BMAL1: variants seen among roughly 807,000 people sequenced by gnomAD.
BMAL1 encodes basic helix-loop-helix ARNT like 1.
At chr11:13,334,956 T>G in the BMAL1 span, among the ~76,000 whole-genome samples, 1 of 152,200 alleles carries the variant, frequency 6.6e-6, no homozygotes, top group Non-Finnish European at 1.5e-5. Flanking sequence ...TTTCTCTTTG[T>G]GAGTTGCTTT....
At chr11:13,375,495 C>T in the BMAL1 span, 1 of 840,586 alleles carries the variant, frequency 1.2e-6, no homozygotes, top group Non-Finnish European at 1.7e-6. Context: ...GTTTCCTTGG[C>T]TTACTAAAGA....
the BMAL1 span, chr11:13,372,493 A>G: frequency 6.4e-7 from 1 of 1,552,040 alleles, no homozygotes; most frequent in Non-Finnish European, 8.7e-7. Context: ...CTGGGCCATC[A>G]GCTGGCTTTT....
chr11:13,368,124 A>C, the BMAL1 span, among the ~76,000 whole-genome samples: 1 of 152,216 alleles, frequency 6.6e-6, no homozygotes. Context: ...CTTAGGAGAA[A>C]AATATGAATG....
the BMAL1 span, among the ~76,000 whole-genome samples, chr11:13,279,975 G>T: frequency 0.02 from 3,093 of 152,302 alleles, 88 homozygotes; most frequent in African/African-American, 0.07. Context: ...TCTCATGGCC[G>T]TTCCAGTCGG....
the BMAL1 span, among the ~76,000 whole-genome samples, chr11:13,296,683 G>A: frequency 6.6e-6 from 1 of 152,222 alleles, no homozygotes; most frequent in East Asian, 1.9e-4. Context: ...TTTGGGAAAT[G>A]TATACTTTTT....
the BMAL1 span, chr11:13,385,898 T>TTTGA: frequency 1.2e-6 from 1 of 852,048 alleles, no homozygotes; most frequent in Non-Finnish European, 1.8e-6. Context: ...CCTAGATAAA[T>TTTGA]TTGATAGGAA....
the BMAL1 span, among the ~76,000 whole-genome samples, chr11:13,315,900 C>G: frequency 6.6e-6 from 1 of 152,134 alleles, no homozygotes; most frequent in Non-Finnish European, 1.5e-5. Context: ...CAGGCCTCCC[C>G]CTTTCTGGAG....
the BMAL1 span, among the ~76,000 whole-genome samples, chr11:13,310,762 C>T: frequency 7.9e-5 from 12 of 152,194 alleles, no homozygotes; most frequent in Admixed American, 3.9e-4. Context: ...CCTAAATGCC[C>T]GGCTAAGGCA....
At chr11:13,307,748 C>T in the BMAL1 span, among the ~76,000 whole-genome samples, 1 of 152,244 alleles carries the variant, frequency 6.6e-6, no homozygotes, top group South Asian at 2.1e-4. Context: ...TTTGAGAAAT[C>T]AGAAGATAGG....
At chr11:13,308,453 G>C in the BMAL1 span, among the ~76,000 whole-genome samples, 1 of 152,144 alleles carries the variant, frequency 6.6e-6, no homozygotes, top group South Asian at 2.1e-4. Context: ...GATCACCAAG[G>C]GAGTGACAGA....
the BMAL1 span, among the ~76,000 whole-genome samples, chr11:13,324,804 A>C: frequency 6.6e-6 from 1 of 152,246 alleles, no homozygotes; most frequent in Non-Finnish European, 1.5e-5. Context: ...GCATGCCTGC[A>C]TGCAAGCGAA....
the BMAL1 span, among the ~76,000 whole-genome samples, chr11:13,285,173 G>A: frequency 3.3e-5 from 5 of 152,090 alleles, no homozygotes; most frequent in Admixed American, 6.5e-5. Flanking sequence ...CAGAAGCAGG[G>A]GTATGTCATA....
chr11:13,384,903 T>C, the BMAL1 span, among the ~76,000 whole-genome samples: 1 of 152,194 alleles, frequency 6.6e-6, no homozygotes, highest in Non-Finnish European at 1.5e-5. Flanking sequence ...TAAGCAAAAG[T>C]TCTTTGGAGT....
the BMAL1 span, chr11:13,369,761 A>G: frequency 2.5e-6 from 4 of 1,608,452 alleles, no homozygotes. Context: ...CTGCTCAAAG[A>G]AAAAAGGTAA....
chr11:13,360,157 A>G, the BMAL1 span, among the ~76,000 whole-genome samples: 1 of 152,162 alleles, frequency 6.6e-6, no homozygotes, highest in Non-Finnish European at 1.5e-5. Context: ...CTTCCATGGA[A>G]TTCTCTTTGG....
chr11:13,347,926 C>T, the BMAL1 span, among the ~76,000 whole-genome samples: 2 of 152,152 alleles, frequency 1.3e-5, no homozygotes, highest in Non-Finnish European at 2.9e-5. Context: ...ATTTATTTAG[C>T]ATTTGTTGAG....
chr11:13,289,918 A>T, the BMAL1 span, among the ~76,000 whole-genome samples: 1 of 152,232 alleles, frequency 6.6e-6, no homozygotes, highest in African/African-American at 2.4e-5. Flanking sequence ...TCACTGGGTC[A>T]AATGATATTT....
chr11:13,373,111 G>A, the BMAL1 span, among the ~76,000 whole-genome samples: 1 of 152,120 alleles, frequency 6.6e-6, no homozygotes, highest in South Asian at 2.1e-4. Context: ...TGTGGCTAAC[G>A]GCACAGACAT....
the BMAL1 span, among the ~76,000 whole-genome samples, chr11:13,301,328 A>G: frequency 6.6e-6 from 1 of 152,212 alleles, no homozygotes; most frequent in Non-Finnish European, 1.5e-5. Context: ...AAATGTTTAC[A>G]CTATATAAGG....
Sources: gnomAD v4.1 joint callset for allele counts (sites outside exome capture counted in the v4.1 genomes callset) on GRCh38, gnomAD v4.1.1 for gene constraint, MANE v1.5 for transcripts, NCBI Gene and HGNC (gene_info 2026-07-23, HGNC 2026-07-21) for gene names.